Variants in HSPG2 observed in about 807,000 individuals in gnomAD.
HSPG2 encodes basement membrane-specific heparan sulfate proteoglycan core protein.
Under a neutral mutation model 526.6 loss-of-function variants are expected in HSPG2, and 278 were observed. The ratio of observed to expected loss-of-function variants is 0.53; its 90% CI spans 0.48 to 0.58. The LOEUF (loss-of-function observed/expected upper bound fraction) is 0.58. Among genes scored for constraint, HSPG2 ranks in the 20% least tolerant of loss-of-function variants. The pLI, the probability that HSPG2 is intolerant of heterozygous loss-of-function variation, is 0.00. For missense variants in HSPG2, 5,354 were observed against 6,099.5 expected, an observed-to-expected ratio of 0.88 and a Z score of 4.07; for synonymous variants, 2,465 against 2,555.4, an observed-to-expected ratio of 0.96 and a Z score of 1.07.
At chr1:21,878,133 A>G in intron 21 of HSPG2, 53 bp downstream of exon 21, 1 of 1,516,722 alleles carries the variant, frequency 6.6e-7, no homozygotes, top group South Asian at 1.1e-5. Context: ...TCCTCCTCCC[A>G]GCTGTGGTGC....
Position 21,854,881 on chromosome 1 carries a change from C to T in HSPG2, c.6100G>A (p.Ala2034Thr). ...LCVATSPAGT[A>T]QARIQVVVLS... The stretch of plus-strand genomic sequence containing the variant: ...ACAACCACTTGGATCCGGGCCTGGG[C>T]AGTGCCTGCAGGGCTGGTGGCCACG... Residue 2034 changes from alanine (A) to threonine (T), a missense_variant, in exon 48 of 97, where the codon GCC becomes ACC. Coordinates refer to ENST00000374695, the MANE Select transcript of HSPG2 (RefSeq NM_005529.7). 6.2e-7 allele frequency: 1 copy of T among 1,614,160 alleles called. No individual in the cohort carries two copies.
At chr1:21,852,267 A>G (rs1638962748) in intron 52 of HSPG2, 34 bp from the exon 53 acceptor site, 1 of 1,613,614 alleles carries the variant, frequency 6.2e-7, no homozygotes, top group Non-Finnish European at 8.5e-7. Flanking sequence ...AGAGTTGTAG[A>G]TGCTCCTGAG....
intron 67 of HSPG2, 112 bp downstream of exon 67, chr1:21,842,658 T>A: frequency 7.1e-7 from 1 of 1,412,832 alleles, no homozygotes; most frequent in South Asian, 1.2e-5. Flanking sequence ...AAACGTATTT[T>A]ATCCCCTGGG....
Position 21,854,292 on chromosome 1 carries a change from C to T in HSPG2, c.6340G>A (p.Glu2114Lys). ...LPQVSPADSG[E>K]YVCRVENGSG... ...CCATTCTCCACACGGCACACATATT[C>T]TCCAGAATCAGCTGGTGAGACCTGG... The change falls in exon 50 of 97, where the codon GAA becomes AAA. Residue 2114 changes from glutamate (E) to lysine (K), a missense_variant. By Grantham distance (56) the Glu-to-Lys change is moderately conservative (BLOSUM62 1). Transcript: ENST00000374695. 1 of 1,574,974 alleles carries T rather than the reference C, an allele frequency of 6.3e-7. No homozygotes were observed. Among genetic ancestry groups the T allele is most frequent in the East Asian group, 2.3e-5 (1 of 43,376 alleles).
rs1415539646 is a variant in HSPG2 at position 21,848,208 on chromosome 1, G to A, written c.7738-115C>T. 1.6e-6 allele frequency: 2 copies of A among 1,241,640 alleles called. No individual in the cohort carries two copies. Among genetic ancestry groups the A allele is most frequent in the Non-Finnish European group, 2.3e-6 (2 of 880,596 alleles). 76.9% of individuals were successfully genotyped at this position (1,241,640 alleles called of 1,614,324 possible). On this transcript the variant is annotated intron_variant, in intron 59 of 96. Coordinates refer to ENST00000374695, the MANE Select transcript of HSPG2 (RefSeq NM_005529.7). This position sits in a 1 kb window ranked among gnomAD's most constrained non-coding sequence, Gnocchi z 4.9. The stretch of plus-strand genomic sequence containing the variant: ...GGGGCCTCCCTGCCTTGCCTCCTCA[G>A]TGGCCTTCGTGAAGCTCCCAGCATG...
In HSPG2 at chr1:21,887,116, G is replaced by A. The variant is rs138294514; in HGVS notation, c.1078+99C>T. On this transcript the variant is annotated intron_variant, in intron 9 of 96. Transcript: ENST00000374695. This position sits in a 1 kb window ranked among gnomAD's most constrained non-coding sequence, Gnocchi z 5.0. Reference sequence around the variant, plus strand: ...TGGGGGACTGGGGAGGGGGGAAAGCGGAGGGGCAGGGTAGGGGCGGGGCAG... The same window carrying A: ...TGGGGGACTGGGGAGGGGGGAAAGCAGAGGGGCAGGGTAGGGGCGGGGCAG... 9.3e-3 allele frequency: 10,876 copies of A among 1,169,394 alleles called. 63 individuals are homozygous for A. The highest frequency in any genetic ancestry group is 0.011 in the Non-Finnish European group (9,494 of 837,512). 72.4% of individuals were successfully genotyped at this position (1,169,394 alleles called of 1,614,324 possible).
Position 21,833,872 on chromosome 1 carries a change from C to A in HSPG2, c.10774G>T (p.Ala3592Ser). 6.2e-7 allele frequency: 1 copy of A among 1,604,262 alleles called. No individual in the cohort carries two copies. The highest frequency in any genetic ancestry group is 1.1e-5 in the South Asian group (1 of 88,958). The change falls in exon 78 of 97, where the codon GCT becomes TCT. Residue 3592 changes from alanine to serine, a missense_variant. Transcript: ENST00000374695. ...CCTGAGGCTATGCAGGGGAAGACAGCTGCAGAACCAGCAGGCACACGGACT... is the reference window on the plus strand; with the variant it reads ...CCTGAGGCTATGCAGGGGAAGACAGATGCAGAACCAGCAGGCACACGGACT... ...QEVRVPAGSA[A>S]VFPCIASGYP... is the part of the protein sequence containing the mutation.
rs772702093 is a variant in HSPG2, at chr1:21,823,702, G to C, written c.12917C>G (p.Ser4306Cys). 1.7e-5 allele frequency: 27 copies of C among 1,613,384 alleles called. No homozygotes were observed. The highest frequency in any genetic ancestry group is 2.1e-5 in the Non-Finnish European group (25 of 1,179,960). ...CAGCTCCTCACCGTCGACTTGGATG[G>C]AACCTCTGCGGCCCTCCCTGCAGTG... ...VTALREGRRGSIQVDGEELVS... is the reference protein window; with the variant it reads ...VTALREGRRGCIQVDGEELVS... Residue 4306 changes from serine (S) to cysteine (C), a missense_variant, in exon 96 of 97, where the codon TCC becomes TGC. Ser to Cys is a moderately radical substitution (Grantham distance 112). Coordinates refer to ENST00000374695, the MANE Select transcript of HSPG2 (RefSeq NM_005529.7).
At chr1:21,843,017 G>C in intron 66 of HSPG2, 96 bp from the exon 67 acceptor site, 1 of 1,431,564 alleles carries the variant, frequency 7.0e-7, no homozygotes, top group Non-Finnish European at 9.8e-7. Context: ...AGTTGATCCT[G>C]GGGGCGCGGT....
Position 21,839,100 on chromosome 1 carries a change from A to G in HSPG2, c.9890-15T>C, listed in dbSNP as rs2098038484. ...ATATGGTGGGCCTGAGTGGGGGGAC[A>G]CAGAGGTCAGGATTGGGGAGGGCAA... On this transcript the variant is annotated splice_polypyrimidine_tract_variant and intron_variant, in intron 73 of 96. Transcript: ENST00000374695. The surrounding 1 kb of genome is among the most constrained non-coding windows in gnomAD (Gnocchi z 4.5). 3 of 1,571,166 alleles carry G rather than the reference A, an allele frequency of 1.9e-6. No individual in the cohort carries two copies. The East Asian group carries it at 6.8e-5, about 35-fold the overall frequency.
At chr1:21,909,615 C>T (rs540654366) in intron 1 of HSPG2, among the ~76,000 whole-genome samples, 36 of 152,360 alleles carry the variant, frequency 2.4e-4, no homozygotes, top group Middle Eastern at 3.4e-3. Context: ...GTCTGCTGAC[C>T]ATGACCCTTT....
chr1:21,916,458 TTG>T (rs1407958861), intron 1 of HSPG2, among the ~76,000 whole-genome samples: 1 of 151,918 alleles, frequency 6.6e-6, no homozygotes, highest in African/African-American at 2.4e-5. Flanking sequence ...TGAACCGAGA[TTG>T]TGTCACTGCA....
In HSPG2 at chr1:21,833,632, C is replaced by T. The variant is rs574032850; in HGVS notation, c.10831-18G>A. The T allele has an allele frequency of 6.8e-6, 11 of 1,613,940 alleles. No individual in the cohort carries two copies. In the South Asian group the frequency reaches 1.1e-4, roughly 16 times the overall value. The stretch of plus-strand genomic sequence containing the variant: ...CCATCCAGCTGCAAATGCACTAGCA[C>T]TGAGGGCCCTGGCCTTGGCCCACGG... On this transcript the variant is annotated intron_variant, in intron 78 of 96. Transcript: ENST00000374695.
At position 21,898,962 on chromosome 1, in the gene HSPG2, C is replaced by T. The variant is rs1386261804; in HGVS notation, c.64-2652G>A. On this transcript the variant is annotated intron_variant, in intron 1 of 96. Transcript: ENST00000374695. This position sits in a 1 kb window ranked among gnomAD's most constrained non-coding sequence, Gnocchi z 4.0. ...GTGGCGGCGGGGGTGGCCTTGGGACCAGACAGGAAATAGCAAAGTGAGATT... is the reference window on the plus strand; with the variant it reads ...GTGGCGGCGGGGGTGGCCTTGGGACTAGACAGGAAATAGCAAAGTGAGATT... 2.6e-5 allele frequency among the ~76,000 whole-genome samples: 4 copies of T among 152,160 alleles called. No individual in the cohort carries two copies. Among genetic ancestry groups the T allele is most frequent in the Non-Finnish European group, 4.4e-5 (3 of 68,034 alleles).
intron 85 of HSPG2, 180 bp downstream of exon 85, chr1:21,830,802 G>C: frequency 3.2e-6 from 2 of 615,924 alleles, no homozygotes; most frequent in Middle Eastern, 4.3e-4. Flanking sequence ...AGCAGTGATG[G>C]GGTGAGGGCC....
intron 1 of HSPG2, among the ~76,000 whole-genome samples, chr1:21,922,569 T>C (rs568200424): frequency 6.6e-6 from 1 of 151,966 alleles, no homozygotes; most frequent in South Asian, 2.1e-4. Flanking sequence ...AAGTATGAAG[T>C]AAAGGTGGCC....
chr1:21,857,441 G>A (rs2152727083), intron 42 of HSPG2, 56 bp from the exon 43 acceptor site: 2 of 1,495,832 alleles, frequency 1.3e-6, no homozygotes, highest in Non-Finnish European at 1.9e-6. Context: ...CCGGTCCTGT[G>A]GCCACTTTGT....
intron 76 of HSPG2, chr1:21,835,252 TAGGTGGGACTAC>T: frequency 1.7e-6 from 1 of 596,344 alleles, no homozygotes. Context: ...GCCTCCTGAG[TAGGTGGGACTAC>T]AGGTGCGTTC....
chr1:21,834,581 A>G (rs1382596969), intron 77 of HSPG2, 98 bp downstream of exon 77: 2 of 1,412,160 alleles, frequency 1.4e-6, no homozygotes, highest in African/African-American at 2.8e-5. Flanking sequence ...TCCCAAGTGA[A>G]CAGAAAGGAA....
Sources: gnomAD v4.1 joint callset for allele counts (sites outside exome capture counted in the v4.1 genomes callset) on GRCh38, gnomAD v4.1.1 for gene constraint, Gnocchi (gnomAD v3.1) non-coding constraint, MANE v1.5 for transcripts, NCBI Gene and HGNC (gene_info 2026-07-23, HGNC 2026-07-21) for gene names.